The following SGCZ variants were observed in gnomAD, a reference collection of about 807,000 sequenced individuals.
The protein encoded by SGCZ is zeta-sarcoglycan.
Under a neutral mutation model 41.3 loss-of-function variants are expected in SGCZ, and 40 were observed. That is an observed-to-expected ratio of 0.97 (90% confidence interval 0.75 to 1.26). SGCZ has a LOEUF of 1.26. SGCZ is among the 50% of genes most tolerant of loss of function. The probability of loss-of-function intolerance (pLI) is 0.00; values close to 1 mark genes in which losing one functional copy is unlikely to be tolerated. For synonymous variants in SGCZ, 206 were observed against 137.5 expected, an observed-to-expected ratio of 1.50 and a Z score of -3.49; for missense variants, 552 against 369.8, an observed-to-expected ratio of 1.49 and a Z score of -4.04.
intron 1 of SGCZ, among the ~76,000 whole-genome samples, chr8:15,028,505 TCG>T (rs1363816043): frequency 6.8e-6 from 1 of 147,838 alleles, no homozygotes; most frequent in East Asian, 2.3e-4. Flanking sequence ...AGGAACACTA[TCG>T]TCTTTCTAAG....
chr8:14,125,362 C>T (rs946597124), intron 5 of SGCZ, among the ~76,000 whole-genome samples: 16 of 151,776 alleles, frequency 1.1e-4, no homozygotes, highest in South Asian at 2.1e-4. Context: ...AAATTAGCTG[C>T]GTATGGTGGC....
intron 1 of SGCZ, among the ~76,000 whole-genome samples, chr8:14,814,957 GAAAACTA>G (rs558460314): frequency 2.8e-4 from 43 of 152,134 alleles, no homozygotes; most frequent in African/African-American, 1.0e-3. Flanking sequence ...ATTAAAAAAA[GAAAACTA>G]CTGTTCTGAA....
intron 1 of SGCZ, among the ~76,000 whole-genome samples, chr8:14,978,386 A>AGGGACAGCTTCCTCTGGTGCATACCCTCC (rs1554532079): frequency 2.3e-4 from 34 of 145,310 alleles, no homozygotes; most frequent in African/African-American, 5.4e-4. Context: ...CAGGAGAATC[A>AGGGACAGCTTCCTCTGGTGCATACCCTCC]CTTAAACCTG....
intron 2 of SGCZ, among the ~76,000 whole-genome samples, chr8:14,342,633 A>T (rs1040485879): frequency 1.3e-5 from 2 of 152,146 alleles, no homozygotes; most frequent in East Asian, 3.9e-4. Flanking sequence ...GAAATTTCTC[A>T]GCAGCAGAGC....
intron 1 of SGCZ, among the ~76,000 whole-genome samples, chr8:14,796,373 C>T (rs778380384): frequency 6.6e-5 from 10 of 151,876 alleles, no homozygotes; most frequent in East Asian, 1.9e-4. Flanking sequence ...TCCACCTTGG[C>T]GTCTCAAGTT....
chr8:14,573,342 A>C (rs955579326), intron 1 of SGCZ, among the ~76,000 whole-genome samples: 8 of 151,508 alleles, frequency 5.3e-5, no homozygotes, highest in African/African-American at 1.4e-4. Context: ...GGACTACAGG[A>C]GCCCTCCATC....
At position 14,089,522 on chromosome 8, in the gene SGCZ, G is replaced by T. The variant is rs1585123067; in HGVS notation, c.*921C>A. Among the ~76,000 whole-genome samples the T allele has an allele frequency of 6.6e-6, 1 of 151,864 alleles. No homozygotes were observed. The highest frequency in any genetic ancestry group is 6.6e-5 in the Admixed American group (1 of 15,206). On this transcript the variant is annotated 3_prime_UTR_variant, in exon 8 of 8. Coordinates refer to ENST00000382080, the MANE Select transcript of SGCZ (RefSeq NM_139167.4). The stretch of plus-strand genomic sequence containing the variant: ...AGTCAGAATCAAGTGCAGAGTGAGT[G>T]GAGCAAACAAAAATTATACTATTAA...
chr8:14,623,805 A>G (rs1806362056), intron 1 of SGCZ, among the ~76,000 whole-genome samples: 1 of 152,146 alleles, frequency 6.6e-6, no homozygotes. Context: ...AATAATTTAG[A>G]CCATAGCTGT....
intron 2 of SGCZ, among the ~76,000 whole-genome samples, chr8:14,510,803 G>A (rs1455356288): frequency 6.6e-6 from 1 of 152,070 alleles, no homozygotes; most frequent in East Asian, 1.9e-4. Flanking sequence ...TTATAAGAGA[G>A]GTATGTAAAT....
chr8:14,344,499 A>G (rs1282705507), intron 2 of SGCZ, among the ~76,000 whole-genome samples: 2 of 152,148 alleles, frequency 1.3e-5, no homozygotes, highest in African/African-American at 4.8e-5. Context: ...AACAGAGCAG[A>G]TAAACAACAT....
intron 1 of SGCZ, among the ~76,000 whole-genome samples, chr8:14,881,619 C>A (rs547003257): frequency 1.3e-5 from 2 of 152,258 alleles, no homozygotes; most frequent in African/African-American, 2.4e-5. Flanking sequence ...GTATCTCCCA[C>A]ACAATAATAG....
At chr8:14,854,460 T>C (rs2130662981) in intron 1 of SGCZ, among the ~76,000 whole-genome samples, 3 of 152,206 alleles carry the variant, frequency 2.0e-5, no homozygotes, top group Middle Eastern at 3.4e-3. Context: ...ATTTTTACAA[T>C]AAATACTGTC....
At chr8:14,359,656 G>C (rs1040586425) in intron 2 of SGCZ, among the ~76,000 whole-genome samples, 3 of 151,868 alleles carry the variant, frequency 2.0e-5, no homozygotes, top group Non-Finnish European at 2.9e-5. Flanking sequence ...GCAAAGAAAA[G>C]CCCAAGACAC....
intron 5 of SGCZ, among the ~76,000 whole-genome samples, chr8:14,112,893 A>G (rs1462419033): frequency 6.6e-6 from 1 of 151,710 alleles, no homozygotes; most frequent in Non-Finnish European, 1.5e-5. Flanking sequence ...AAAATAAATT[A>G]TTTTGGGGAA....
chr8:14,280,253 G>A (rs1800377053), intron 3 of SGCZ, among the ~76,000 whole-genome samples: 1 of 151,778 alleles, frequency 6.6e-6, no homozygotes, highest in Non-Finnish European at 1.5e-5. Context: ...ATTCTGACAT[G>A]ACAGAGGAGA....
At chr8:14,121,132 C>T (rs73665765) in intron 5 of SGCZ, among the ~76,000 whole-genome samples, 28,214 of 152,050 alleles carry the variant, frequency 0.19, 3,438 homozygotes, top group East Asian at 0.64. Flanking sequence ...ATATCCTTCT[C>T]ACGGAAACTC....
intron 1 of SGCZ, among the ~76,000 whole-genome samples, chr8:15,104,273 G>A (rs750932964): frequency 4.5e-4 from 68 of 152,190 alleles, no homozygotes; most frequent in Admixed American, 8.5e-4. Context: ...AACTAATACA[G>A]TCTCTTATAC....
At chr8:15,081,947 T>C (rs1334500273) in intron 1 of SGCZ, among the ~76,000 whole-genome samples, 2 of 152,226 alleles carry the variant, frequency 1.3e-5, no homozygotes, top group Non-Finnish European at 2.9e-5. Context: ...TACTATAATG[T>C]CCTGTACAGT....
At chr8:15,026,902 C>G (rs117574895) in intron 1 of SGCZ, among the ~76,000 whole-genome samples, 3,281 of 152,278 alleles carry the variant, frequency 0.022, 67 homozygotes, top group South Asian at 0.064. Context: ...GCATAAGTCC[C>G]TTCTGTTTAC....
Sources: allele counts gnomAD v4.1 joint callset (sites outside exome capture counted in the v4.1 genomes callset), GRCh38; gene constraint gnomAD v4.1.1; transcripts MANE v1.5; gene names NCBI Gene and HGNC (gene_info 2026-07-23, HGNC 2026-07-21).